POLD2: variants seen among roughly 807,000 people sequenced by gnomAD.
POLD2 encodes the protein DNA polymerase delta subunit 2.
POLD2 carries 31 observed loss-of-function variants against 48.8 expected under a neutral mutation model. The observed-to-expected ratio is 0.64, with a 90% CI of 0.48 to 0.86. POLD2 has a LOEUF of 0.86. Among genes scored for constraint, POLD2 ranks in the 40% least tolerant of loss-of-function variants. The pLI is 0.00. For synonymous variants in POLD2, 233 were observed against 256.3 expected, an observed-to-expected ratio of 0.91 and a Z score of 0.87; for missense variants, 455 against 610.1, an observed-to-expected ratio of 0.75 and a Z score of 2.68.
chr7:44,117,187 T>A lies in POLD2; in HGVS notation c.527A>T (p.Tyr176Phe), dbSNP rs767479491. ...RDDGKFLVED[Y>F]CFADLAPQKP... ...CTGGGGAGCAAGGTCAGCAAAGCAA[T>A]AGTCCTCCACCAGAAACTTCCCGTC... The change falls in exon 5 of 11, where the codon TAT becomes TTT. Residue 176 changes from tyrosine (Y) to phenylalanine (F), a missense_variant. Physicochemically the swap from Tyr to Phe is conservative, Grantham distance 22. Transcript: ENST00000610533. 5.6e-6 allele frequency: 9 copies of A among 1,613,940 alleles called. No individual in the cohort carries two copies. The highest frequency in any genetic ancestry group is 7.6e-6 in the Non-Finnish European group (9 of 1,179,948).
chr7:44,118,155 C>A, intron 2 of POLD2, 91 bp from the exon 3 acceptor site: 2 of 1,402,886 alleles, frequency 1.4e-6, no homozygotes, highest in Non-Finnish European at 1.9e-6. Context: ...CATGAGAGGC[C>A]AATCACAGGG....
At position 44,121,711 on chromosome 7, in the gene POLD2, A is replaced by T; in HGVS notation, c.220+123T>A. On this transcript the variant is annotated intron_variant, in intron 2 of 10. Transcript: ENST00000610533. The surrounding 1 kb of genome is among the most constrained non-coding windows in gnomAD (Gnocchi z 4.5). ...CTTAAGAAGAAACTGAGGGAAAAAG[A>T]GGTTAATTTTCCCAAGGTAACAGGA... 1 of 915,258 alleles carries T rather than the reference A, an allele frequency of 1.1e-6. No individual in the cohort carries two copies. Among genetic ancestry groups the T allele is most frequent in the Non-Finnish European group, 1.6e-6 (1 of 612,448 alleles). The allele number at this position is 915,258 out of a possible 1,614,324, so 56.7% of individuals were successfully genotyped here.
Position 44,116,969 on chromosome 7 carries a change from C to T in POLD2, c.628G>A (p.Glu210Lys), listed in dbSNP as rs568159170. 1.9e-6 allele frequency: 3 copies of T among 1,613,474 alleles called. No homozygotes were observed. Among genetic ancestry groups the T allele is most frequent in the Non-Finnish European group, 1.7e-6 (2 of 1,179,942 alleles). The part of the protein sequence containing the change: ...SGLGLGGGGG[E>K]SLLGTQLLVD... Reference sequence around the variant, plus strand: ...AGCAGCTGGGTGCCCAGCAGGCTCTCGCCTCCACCGCCACCCAGGCCCAGG... The same window carrying T: ...AGCAGCTGGGTGCCCAGCAGGCTCTTGCCTCCACCGCCACCCAGGCCCAGG... The change falls in exon 6 of 11, where the codon GAG becomes AAG. Residue 210 changes from glutamate to lysine, a missense_variant. Glu to Lys is a moderately conservative substitution (Grantham distance 56). This residue lies in a region of POLD2 where 349 missense variants were observed against 437.4 expected (regional missense o/e 0.80). Transcript: ENST00000610533. The surrounding 1 kb of genome is among the most constrained non-coding windows in gnomAD (Gnocchi z 6.1).
Position 44,121,894 on chromosome 7 carries a change from A to G in POLD2, c.160T>C (p.Tyr54His). ...CTCATTTGGATGAGGCGGGTGGCAT[A>G]AATGTGGGCATACTGCCGGCTAAAG... The part of the protein sequence containing the change: ...RSFSRQYAHI[Y>H]ATRLIQMRPF... The change falls in exon 2 of 11, where the codon TAT becomes CAT. Residue 54 changes from tyrosine to histidine, a missense_variant. By Grantham distance (83) the Tyr-to-His change is moderately conservative (BLOSUM62 2). Transcript: ENST00000610533. The surrounding 1 kb of genome is among the most constrained non-coding windows in gnomAD (Gnocchi z 4.5). 1 of 1,613,622 alleles carries G rather than the reference A, an allele frequency of 6.2e-7. No homozygotes were observed. The highest frequency in any genetic ancestry group is 8.5e-7 in the Non-Finnish European group (1 of 1,180,034).
upstream of POLD2, chr7:44,123,740 G>GGGCTCGCAGGCCGGC (rs1343419005): frequency 5.3e-6 from 7 of 1,330,432 alleles, no homozygotes; most frequent in East Asian, 9.4e-5. Flanking sequence ...CGCGGGGCGG[G>GGGCTCGCAGGCCGGC]GGCTCGCAGG....
chr7:44,123,161 C>T, intron 1 of POLD2: 9 of 947,292 alleles, frequency 9.5e-6, no homozygotes, highest in Non-Finnish European at 1.2e-5. Context: ...TTTCGTTTTA[C>T]TTTTTTCGTA....
Position 44,116,315 on chromosome 7 carries a change from A to T in POLD2, c.862-43T>A. 6.3e-7 allele frequency: 1 copy of T among 1,595,370 alleles called. No homozygotes were observed. The highest frequency in any genetic ancestry group is 8.6e-7 in the Non-Finnish European group (1 of 1,168,782). ...GGGAGAGCTCACAGGGCCCCGAAGG[A>T]GCCCCCTACACCAACTCCGGCCACT... On this transcript the variant is annotated intron_variant, in intron 7 of 10. Coordinates refer to ENST00000610533, the MANE Select transcript of POLD2 (RefSeq NM_006230.4). This position sits in a 1 kb window ranked among gnomAD's most constrained non-coding sequence, Gnocchi z 6.1.
rs1186768708 is a variant in POLD2, at chr7:44,114,905, G to A, written c.1290C>T (p.Asp430=). The stretch of plus-strand genomic sequence containing the variant: ...GGCAGGCGGTCTGCGTGGCACTGAA[G>A]TCAGGGACAGTCACCAACAGCACTG... ...DQTVLLVTVP[D]FSATQTACLV... is the part of the protein sequence containing the mutation. The change falls in exon 11 of 11, where the codon GAC becomes GAT. Residue 430 remains aspartate, a synonymous_variant. Coordinates refer to ENST00000610533, the MANE Select transcript of POLD2 (RefSeq NM_006230.4). 1 of 1,613,432 alleles carries A rather than the reference G, an allele frequency of 6.2e-7. No homozygotes were observed. Among genetic ancestry groups the A allele is most frequent in the South Asian group, 1.1e-5 (1 of 90,984 alleles).
intron 9 of POLD2, 100 bp from the exon 10 acceptor site, chr7:44,115,496 G>A: frequency 1.2e-6 from 1 of 853,286 alleles, no homozygotes; most frequent in Non-Finnish European, 2.0e-6. Context: ...CAGGCCAGTA[G>A]GAGACCCCCA....
Position 44,117,975 on chromosome 7 carries a change from G to A in POLD2, c.310C>T (p.Gln104Ter). 1.2e-6 allele frequency: 2 copies of A among 1,614,204 alleles called. No individual in the cohort carries two copies. The highest frequency in any genetic ancestry group is 2.2e-5 in the South Asian group (2 of 91,088). The change falls in exon 3 of 11, where the codon CAG (glutamine) becomes TAG (stop). Residue 104 changes from glutamine to a stop codon, truncating the protein, a stop_gained. Coordinates refer to ENST00000610533, the MANE Select transcript of POLD2 (RefSeq NM_006230.4). LOFTEE classifies it high-confidence loss of function. The stretch of plus-strand genomic sequence containing the variant: ...CTGACCTCCCGCAGGATGGAGGGCT[G>A]CAGCGGCATGGCCTTGAACAGAGTG... ...VGTLFKAMPL[Q>*]PSILREVSEE...
chr7:44,117,076 A>T, intron 5 of POLD2, 57 bp downstream of exon 5: 2 of 1,609,354 alleles, frequency 1.2e-6, no homozygotes, highest in Admixed American at 1.7e-5. Context: ...TCCTAGGTGC[A>T]ACTCAAAGAT....
Position 44,115,899 on chromosome 7 carries a change from A to G in POLD2, c.1020-6T>C, listed in dbSNP as rs754040297. 6.8e-6 allele frequency: 11 copies of G among 1,614,120 alleles called. No homozygotes were observed. The highest frequency in any genetic ancestry group is 1.3e-5 in the African/African-American group (1 of 74,958). On this transcript the variant is annotated splice_polypyrimidine_tract_variant and splice_region_variant and intron_variant, in intron 8 of 10. Transcript: ENST00000610533. The stretch of plus-strand genomic sequence containing the variant: ...GTCCTGATGTCCCCAAAAATCTGCA[A>G]GGCAAAGCTCAGCTGACTCTTGGCT...
At chr7:44,117,290 G>C (rs971261354) in intron 4 of POLD2, 43 bp from the exon 5 acceptor site, 3 of 1,412,524 alleles carry the variant, frequency 2.1e-6, no homozygotes, top group South Asian at 2.3e-5. Flanking sequence ...AGCCCCAGGT[G>C]CTACCACTCC....
rs1226663413 is a variant in POLD2, at chr7:44,116,816, C to T, written c.780+1G>A. ...TGAATGCAGCCAGGTGGGCTCCATA[C>T]CTTATTGATAGAATCCCTGCTCTGG... On this transcript the variant is annotated splice_donor_variant, in intron 6 of 10. Transcript: ENST00000610533. LOFTEE classifies it high-confidence loss of function. The surrounding 1 kb of genome is among the most constrained non-coding windows in gnomAD (Gnocchi z 6.1). 1.2e-6 allele frequency: 2 copies of T among 1,613,410 alleles called. No homozygotes were observed. Among genetic ancestry groups the T allele is most frequent in the Non-Finnish European group, 1.7e-6 (2 of 1,179,966 alleles).
At chr7:44,119,417 C>T (rs986675333) in intron 2 of POLD2, among the ~76,000 whole-genome samples, 1 of 152,118 alleles carries the variant, frequency 6.6e-6, no homozygotes, top group Admixed American at 6.5e-5. Context: ...AAATCTACGC[C>T]CTAGGGAGCA....
chr7:44,115,388 G>T lies in POLD2; in HGVS notation c.1156C>A (p.Pro386Thr). The change falls in exon 10 of 11, where the codon CCC (proline) becomes ACC (threonine). Residue 386 changes from proline to threonine, a missense_variant. By Grantham distance (38) the Pro-to-Thr change is conservative. Transcript: ENST00000610533. ...PTAPDTLGCY[P>T]FYKTDPFIFP... Reference sequence around the variant, plus strand: ...ATGAACGGGTCAGTTTTGTAGAAGGGGTAACAACCTGGAGGAGAAGGGGCA... The same window carrying T: ...ATGAACGGGTCAGTTTTGTAGAAGGTGTAACAACCTGGAGGAGAAGGGGCA... The T allele has an allele frequency of 6.2e-7, 1 of 1,609,162 alleles. No homozygotes were observed. The highest frequency in any genetic ancestry group is 8.5e-7 in the Non-Finnish European group (1 of 1,175,448).
In POLD2 at chr7:44,117,762, G is replaced by A; in HGVS notation, c.343-20C>T. 6.2e-7 allele frequency: 1 copy of A among 1,613,898 alleles called. No homozygotes were observed. Among genetic ancestry groups the A allele is most frequent in the Non-Finnish European group, 8.5e-7 (1 of 1,179,894 alleles). On this transcript the variant is annotated intron_variant, in intron 3 of 10. Transcript: ENST00000610533. ...GTTGTGCTGGAATGCAGAGACAGGA[G>A]GTATAATCTTGGGGCCAGAGCCCAC... is the stretch of plus-strand genomic sequence containing the variant.
chr7:44,120,490 A>G (rs1044143818), intron 2 of POLD2, among the ~76,000 whole-genome samples: 1 of 152,202 alleles, frequency 6.6e-6, no homozygotes, highest in African/African-American at 2.4e-5. Context: ...GGTGAACAGC[A>G]CTTTGTCTCA....
At chr7:44,123,442 C>T in intron 1 of POLD2, 69 bp downstream of exon 1, 2 of 1,492,036 alleles carry the variant, frequency 1.3e-6, no homozygotes, top group Non-Finnish European at 1.8e-6. Context: ...GCCCACCGAC[C>T]CAGGAGCCCG....
Sources: gnomAD v4.1 joint callset for allele counts (sites outside exome capture counted in the v4.1 genomes callset) on GRCh38, gnomAD v4.1.1 for gene constraint, gnomAD v4.1.1 regional missense constraint, Gnocchi (gnomAD v3.1) non-coding constraint, MANE v1.5 for transcripts, NCBI Gene and HGNC (gene_info 2026-07-23, HGNC 2026-07-21) for gene names.